The following LINGO2 variants were observed in gnomAD, a reference collection of about 807,000 sequenced individuals.
LINGO2 encodes leucine-rich repeat and immunoglobulin-like domain-containing nogo receptor-interacting protein 2.
A neutral mutation model predicts 30.6 loss-of-function variants in LINGO2; 14 were observed. That is an observed-to-expected ratio of 0.46 (90% CI 0.30 to 0.72). The LOEUF is 0.72. Ranked by LOEUF, LINGO2 falls within the 30% of genes least tolerant of loss-of-function variation. LINGO2 has a pLI of 0.07. For missense variants in LINGO2, 729 were observed against 751.7 expected, an observed-to-expected ratio of 0.97 and a Z score of 0.35; for synonymous variants, 317 against 288.5, an observed-to-expected ratio of 1.10 and a Z score of -1.00.
At chr9:28,758,966 T>C in the LINGO2 span, among the ~76,000 whole-genome samples, 11 of 152,090 alleles carry the variant, frequency 7.2e-5, no homozygotes, top group Non-Finnish European at 1.5e-4. Context: ...ACTTCATGTT[T>C]GTTATCTTTA....
At chr9:28,181,632 A>G (rs1828913638) in intron 4 of LINGO2, among the ~76,000 whole-genome samples, 1 of 152,202 alleles carries the variant, frequency 6.6e-6, no homozygotes, top group African/African-American at 2.4e-5. Flanking sequence ...AATGTTTTCA[A>G]ATTGACAGCA....
chr9:29,040,883 A>G, the LINGO2 span, among the ~76,000 whole-genome samples: 1 of 152,048 alleles, frequency 6.6e-6, no homozygotes, highest in Non-Finnish European at 1.5e-5. Context: ...TTCAAATTAT[A>G]CAAAATTAAC....
chr9:28,108,067 A>G (rs1826651353), intron 4 of LINGO2, among the ~76,000 whole-genome samples: 2 of 152,176 alleles, frequency 1.3e-5, no homozygotes, highest in Non-Finnish European at 2.9e-5. Flanking sequence ...GCAAAAAGCT[A>G]GCAGCACTGC....
chr9:27,990,972 T>A (rs577268278), intron 5 of LINGO2, among the ~76,000 whole-genome samples: 1 of 152,106 alleles, frequency 6.6e-6, no homozygotes, highest in Admixed American at 6.6e-5. Flanking sequence ...ACAGCCACTT[T>A]CCACGGGGAA....
chr9:28,307,974 A>G (rs1824439330), intron 3 of LINGO2, among the ~76,000 whole-genome samples: 1 of 151,988 alleles, frequency 6.6e-6, no homozygotes, highest in African/African-American at 2.4e-5. Context: ...ATGGGTAGGA[A>G]GAATCAATAT....
In LINGO2 at chr9:28,464,920, CT is replaced by C. The variant is rs370601863; in HGVS notation, c.-279+11019del. 1.4e-3 allele frequency among the ~76,000 whole-genome samples: 216 copies of C among 152,308 alleles called. 1 individual carries two copies. Among genetic ancestry groups the C allele is most frequent in the Middle Eastern group, 0.01 (3 of 294 alleles). The stretch of plus-strand genomic sequence containing the variant: ...GTTTGTGGGACTCATGAAGGGGTGG[CT>C]TGCTTACTCAGCCCGCAGTGCTCAA... On this transcript the variant is annotated intron_variant, in intron 2 of 5. Coordinates refer to ENST00000379992, the Ensembl canonical transcript of LINGO2.
At chr9:28,970,059 C>A in the LINGO2 span, among the ~76,000 whole-genome samples, 2 of 150,816 alleles carry the variant, frequency 1.3e-5, no homozygotes, top group African/African-American at 4.9e-5. Flanking sequence ...AGACAGTGTA[C>A]GTGGGAAAAG....
intron 1 of LINGO2, among the ~76,000 whole-genome samples, chr9:28,570,494 G>A (rs768688751): frequency 1.1e-4 from 17 of 151,502 alleles, no homozygotes; most frequent in Non-Finnish European, 3.0e-5. Context: ...TTACTTGGGG[G>A]AAATTTATTT....
At chr9:28,013,801 A>G (rs991601832) in intron 4 of LINGO2, among the ~76,000 whole-genome samples, 2 of 152,158 alleles carry the variant, frequency 1.3e-5, no homozygotes, top group African/African-American at 4.8e-5. Context: ...AAGGGAATTT[A>G]TTACCTTTAT....
At chr9:28,859,334 G>T in the LINGO2 span, among the ~76,000 whole-genome samples, 1 of 151,946 alleles carries the variant, frequency 6.6e-6, no homozygotes, top group African/African-American at 2.4e-5. Flanking sequence ...CACCACTTAA[G>T]TATACCCACA....
chr9:28,475,513 C>T (rs923660583), intron 2 of LINGO2, among the ~76,000 whole-genome samples: 2 of 152,088 alleles, frequency 1.3e-5, no homozygotes, highest in African/African-American at 4.8e-5. Flanking sequence ...TGAAATAATA[C>T]ACGAAAGTAT....
rs141293116 is a variant in LINGO2 at position 28,491,137 on chromosome 9, C to T, written c.-364-15112G>A. Reference sequence around the variant, plus strand: ...CTACAAACTGGGTGGCTTTAAACAGCACAAATGTATTTTCTTCAAGCTCTG... The same window carrying T: ...CTACAAACTGGGTGGCTTTAAACAGTACAAATGTATTTTCTTCAAGCTCTG... On this transcript the variant is annotated intron_variant, in intron 1 of 5. Transcript: ENST00000379992. Among the ~76,000 whole-genome samples the T allele has an allele frequency of 2.2e-3, 334 of 152,256 alleles. 2 individuals carry two copies. The highest frequency in any genetic ancestry group is 7.8e-3 in the African/African-American group (324 of 41,550).
intron 3 of LINGO2, among the ~76,000 whole-genome samples, chr9:28,299,211 C>T (rs1824043660): frequency 6.6e-6 from 1 of 152,134 alleles, no homozygotes; most frequent in South Asian, 2.1e-4. Context: ...GAGTTCAATG[C>T]ATTTGTTAAA....
intron 4 of LINGO2, among the ~76,000 whole-genome samples, chr9:28,021,307 T>A (rs1197411221): frequency 6.6e-6 from 1 of 152,176 alleles, no homozygotes; most frequent in African/African-American, 2.4e-5. Context: ...TATTTGACAT[T>A]TTCTAGCTGT....
intron 1 of LINGO2, among the ~76,000 whole-genome samples, chr9:28,638,075 T>C (rs1192888641): frequency 2.0e-5 from 3 of 152,218 alleles, no homozygotes; most frequent in Admixed American, 6.5e-5. Context: ...TCTATTGAGA[T>C]AATCACGTGG....
the LINGO2 span, among the ~76,000 whole-genome samples, chr9:28,735,243 T>C: frequency 1.3e-5 from 2 of 152,300 alleles, no homozygotes; most frequent in Admixed American, 6.5e-5. Flanking sequence ...TCTGCACACC[T>C]CATTGGCACA....
At chr9:28,192,431 A>T (rs1284566145) in intron 4 of LINGO2, among the ~76,000 whole-genome samples, 1 of 152,060 alleles carries the variant, frequency 6.6e-6, no homozygotes, top group African/African-American at 2.4e-5. Context: ...ATTTCAAATC[A>T]CTGATGCCGT....
At chr9:28,341,547 A>G (rs1179450248) in intron 3 of LINGO2, among the ~76,000 whole-genome samples, 2 of 152,140 alleles carry the variant, frequency 1.3e-5, no homozygotes, top group African/African-American at 4.8e-5. Context: ...ACATGGGAAA[A>G]AATATGGCAT....
chr9:28,162,839 A>G (rs1828324281), intron 4 of LINGO2, among the ~76,000 whole-genome samples: 1 of 152,154 alleles, frequency 6.6e-6, no homozygotes, highest in Admixed American at 6.6e-5. Context: ...CAACAAAAAC[A>G]TGGTATAGCA....
Sources: gnomAD v4.1 joint callset for allele counts (sites outside exome capture counted in the v4.1 genomes callset) on GRCh38, gnomAD v4.1.1 for gene constraint, MANE v1.5 for transcripts, NCBI Gene and HGNC (gene_info 2026-07-23, HGNC 2026-07-21) for gene names.